Variants in PDE4C observed in about 807,000 individuals in gnomAD.
PDE4C encodes the protein 3',5'-cyclic-AMP phosphodiesterase 4C.
PDE4C carries 50 observed loss-of-function variants against 63.9 expected under a neutral mutation model. That is an observed-to-expected ratio of 0.78 (90% CI 0.62 to 0.99). The LOEUF (loss-of-function observed/expected upper bound fraction) is 0.99. Ranked by LOEUF, PDE4C falls within the 50% of genes least tolerant of loss-of-function variation. PDE4C has a pLI of 0.00. For synonymous variants in PDE4C, 377 were observed against 385.1 expected, an observed-to-expected ratio of 0.98 and a Z score of 0.25; for missense variants, 777 against 899.1, an observed-to-expected ratio of 0.86 and a Z score of 1.74.
Position 18,233,320 on chromosome 19 carries a change from CG to C in PDE4C, c.-130del, listed in dbSNP as rs933330666. ...GGCGACAGCGAGGAGCTGTCCGCGC[CG>C]GAGGTGCTGAAGCGGTAGAAGGTGG... On this transcript the variant is annotated 5_prime_UTR_variant, in exon 1 of 15. Transcript: ENST00000594465. The C allele has an allele frequency of 9.9e-6, 13 of 1,314,892 alleles. No individual in the cohort carries two copies. The African/African-American group carries it at 1.6e-4, about 16-fold the overall frequency. 81.5% of individuals were successfully genotyped at this position (1,314,892 alleles called of 1,614,324 possible). A position where few individuals can be genotyped will look rare whatever the true frequency, so the allele number is the denominator to read the frequency against.
chr19:18,210,820 G>A lies in PDE4C; in HGVS notation c.*109C>T, dbSNP rs114648302. On this transcript the variant is annotated 3_prime_UTR_variant, in exon 15 of 15. Transcript: ENST00000262805. ...AGAGCTTGATTGTCTCCCTAAATGG[G>A]TGGGAAAGTGAAGCAGGAGCCACAT... 2.5e-3 allele frequency: 3,724 copies of A among 1,493,454 alleles called. 79 individuals carry two copies. In the African/African-American group the frequency reaches 0.046, roughly 19 times the overall value. The allele number at this position is 1,493,454 out of a possible 1,614,324, so 92.5% of individuals were successfully genotyped here.
chr19:18,253,786 C>T, the PDE4C span, among the ~76,000 whole-genome samples: 1 of 152,190 alleles, frequency 6.6e-6, no homozygotes, highest in African/African-American at 2.4e-5. Flanking sequence ...ACATCCCATC[C>T]CAGGCATGGA....
exon 1 of PDE4C, chr19:18,233,129 G>A: frequency 6.4e-7 from 1 of 1,558,742 alleles, no homozygotes; most frequent in Non-Finnish European, 8.7e-7. Flanking sequence ...TGCTGTGGCG[G>A]CCGCGAGAGC....
chr19:18,214,521 T>C (rs944231371), intron 12 of PDE4C, among the ~76,000 whole-genome samples: 7 of 151,938 alleles, frequency 4.6e-5, no homozygotes, highest in Non-Finnish European at 1.0e-4. Context: ...CTGGGGTAGA[T>C]TGTCCAGAGG....
the PDE4C span, among the ~76,000 whole-genome samples, chr19:18,254,364 C>T: frequency 6.6e-6 from 1 of 152,176 alleles, no homozygotes; most frequent in Non-Finnish European, 1.5e-5. Context: ...GACACAAGCC[C>T]TGTTGAGTGC....
At chr19:18,253,319 G>A in the PDE4C span, among the ~76,000 whole-genome samples, 1 of 152,104 alleles carries the variant, frequency 6.6e-6, no homozygotes, top group African/African-American at 2.4e-5. Flanking sequence ...GGAATTCAAG[G>A]CTGTAGTGCG....
intron 12 of PDE4C, among the ~76,000 whole-genome samples, chr19:18,214,770 G>A (rs1312047904): frequency 1.3e-5 from 2 of 151,970 alleles, no homozygotes; most frequent in African/African-American, 4.8e-5. Flanking sequence ...CCAACATGGT[G>A]AAACCCCGTC....
exon 15 of PDE4C, chr19:18,210,875 A>G (rs1967891894): frequency 6.6e-7 from 1 of 1,516,932 alleles, no homozygotes; most frequent in Non-Finnish European, 8.8e-7. Flanking sequence ...TCTGCCTGCC[A>G]AGAGCCAAAG....
upstream of PDE4C, among the ~76,000 whole-genome samples, chr19:18,230,308 C>G (rs1968823533): frequency 6.6e-6 from 1 of 152,104 alleles, no homozygotes; most frequent in Admixed American, 6.6e-5. Context: ...GAGTTTGAGA[C>G]CAGTCTGGCC....
chr19:18,242,983 A>G (rs1442883444), intron 1 of PDE4C, among the ~76,000 whole-genome samples: 1 of 152,136 alleles, frequency 6.6e-6, no homozygotes, highest in Non-Finnish European at 1.5e-5. Flanking sequence ...GGCAGAGGCT[A>G]GAGCAGTGGC....
intron 9 of PDE4C, 53 bp downstream of exon 9, chr19:18,218,887 A>G: frequency 1.6e-6 from 2 of 1,230,028 alleles, no homozygotes; most frequent in African/African-American, 1.5e-5. Context: ...GGTAGGAAGC[A>G]GTGAGGGAAA....
chr19:18,208,645 C>T (rs1034192414), downstream of PDE4C: 2 of 152,168 alleles, frequency 1.3e-5, no homozygotes, highest in African/African-American at 2.4e-5. Flanking sequence ...TTTGGTCAAT[C>T]GAATGTCTTA....
intron 1 of PDE4C, among the ~76,000 whole-genome samples, chr19:18,223,578 T>C (rs1381468484): frequency 2.0e-5 from 3 of 151,760 alleles, no homozygotes; most frequent in Non-Finnish European, 2.9e-5. Flanking sequence ...ACTCCTGACC[T>C]CGTGATCTGC....
chr19:18,218,390 G>T, exon 10 of PDE4C: 1 of 1,614,256 alleles, frequency 6.2e-7, no homozygotes, highest in East Asian at 2.2e-5. Flanking sequence ...TCGGCGGCAT[G>T]TAGGCTGTTG....
intron 1 of PDE4C, among the ~76,000 whole-genome samples, chr19:18,239,244 A>G (rs1969001033): frequency 6.6e-6 from 1 of 152,224 alleles, no homozygotes. Context: ...AGCAATTCTG[A>G]GCTTCAGTGC....
chr19:18,223,399 G>C (rs1013079488), intron 1 of PDE4C, among the ~76,000 whole-genome samples: 2 of 152,028 alleles, frequency 1.3e-5, no homozygotes, highest in East Asian at 3.9e-4. Flanking sequence ...TAGTAGAGAC[G>C]GGGTTTCTCC....
chr19:18,226,300 T>C, exon 1 of PDE4C: 1 of 1,569,528 alleles, frequency 6.4e-7, no homozygotes, highest in Non-Finnish European at 8.6e-7. Flanking sequence ...GAAGCGCCGC[T>C]GCAGGCGGAT....
At position 18,220,503 on chromosome 19, in the gene PDE4C, T is replaced by A; in HGVS notation, c.512A>T (p.Gln171Leu). 1 of 1,613,754 alleles carries A rather than the reference T, an allele frequency of 6.2e-7. No individual in the cohort carries two copies. The highest frequency in any genetic ancestry group is 1.1e-5 in the South Asian group (1 of 91,060). The stretch of plus-strand genomic sequence containing the variant: ...GTCTAGCGTCTCCAATGCCAGCTTC[T>A]GCCCCGTGTCCTCTGGGAGCCGAGG... Residue 171 changes from glutamine (Q) to leucine (L), a missense_variant, in exon 6 of 15, where the codon CAG becomes CTG. Transcript: ENST00000262805. The surrounding 1 kb of genome is among the most constrained non-coding windows in gnomAD (Gnocchi z 5.1).
chr19:18,215,906 T>C (rs1568663957), intron 12 of PDE4C, among the ~76,000 whole-genome samples: 1 of 149,692 alleles, frequency 6.7e-6, no homozygotes. Context: ...CTCCGCTCAC[T>C]GCCACCTCCA....
Sources: gnomAD v4.1 joint callset for allele counts (sites outside exome capture counted in the v4.1 genomes callset) on GRCh38, gnomAD v4.1.1 for gene constraint, Gnocchi (gnomAD v3.1) non-coding constraint, MANE v1.5 for transcripts, NCBI Gene and HGNC (gene_info 2026-07-23, HGNC 2026-07-21) for gene names.